Variants in ICA1 observed in about 807,000 individuals in gnomAD.
ICA1 encodes the protein islet cell autoantigen 1, also known as 69 kDa islet cell autoantigen.
Under a neutral mutation model 71.0 loss-of-function variants are expected in ICA1, and 40 were observed. The ratio of observed to expected loss-of-function variants is 0.56; its 90% CI spans 0.44 to 0.73. ICA1 has a LOEUF of 0.73. ICA1 is among the 30% of genes least tolerant of loss of function. The probability of loss-of-function intolerance (pLI) is 0.00; values close to 1 mark genes in which losing one functional copy is unlikely to be tolerated. For missense variants in ICA1, 578 were observed against 576.5 expected, an observed-to-expected ratio of 1.00 and a Z score of -0.03; for synonymous variants, 207 against 209.5, an observed-to-expected ratio of 0.99 and a Z score of 0.10.
chr7:8,168,081 G>A (rs904867118), intron 6 of ICA1, among the ~76,000 whole-genome samples: 2 of 152,016 alleles, frequency 1.3e-5, no homozygotes, highest in African/African-American at 4.8e-5. Flanking sequence ...TAGCACTAAA[G>A]TTTCTGGATC....
chr7:8,196,717 C>CATATAAT (rs574809852), intron 6 of ICA1, among the ~76,000 whole-genome samples: 57 of 152,186 alleles, frequency 3.7e-4, no homozygotes, highest in African/African-American at 1.3e-3. Flanking sequence ...ATTAACTTTA[C>CATATAAT]ATATAATATA....
At chr7:8,143,375 C>G (rs1795852052) in intron 9 of ICA1, among the ~76,000 whole-genome samples, 1 of 152,214 alleles carries the variant, frequency 6.6e-6, no homozygotes, top group Admixed American at 6.5e-5. Flanking sequence ...AACAGACATT[C>G]TGCATGGTAG....
upstream of ICA1, chr7:8,262,220 C>T (rs1380208028): frequency 6.6e-6 from 1 of 152,094 alleles, no homozygotes; most frequent in African/African-American, 2.4e-5. Context: ...CCGGCCCTTC[C>T]TGCGGCGGCC....
At chr7:8,213,684 A>C (rs1360959983) in intron 6 of ICA1, among the ~76,000 whole-genome samples, 1 of 152,212 alleles carries the variant, frequency 6.6e-6, no homozygotes, top group Non-Finnish European at 1.5e-5. Flanking sequence ...CTTTGTTCAC[A>C]GGAAACCCAT....
chr7:8,216,978 G>A (rs74488482), intron 6 of ICA1, among the ~76,000 whole-genome samples: 5,910 of 152,312 alleles, frequency 0.039, 119 homozygotes, highest in African/African-American at 0.05. Flanking sequence ...AAGTGCTAAA[G>A]ACAAACCAAA....
intron 1 of ICA1, among the ~76,000 whole-genome samples, chr7:8,257,001 C>T (rs566648539): frequency 6.6e-6 from 1 of 152,330 alleles, no homozygotes; most frequent in South Asian, 2.1e-4. Flanking sequence ...CTGGTAAACA[C>T]AAGTTTACTT....
chr7:8,163,610 C>G (rs1804729034), intron 6 of ICA1, among the ~76,000 whole-genome samples: 1 of 152,310 alleles, frequency 6.6e-6, no homozygotes, highest in Middle Eastern at 3.4e-3. Context: ...ACCAAGGAAT[C>G]TGACCCAGAG....
chr7:8,127,302 C>A (rs779751850), intron 13 of ICA1, among the ~76,000 whole-genome samples: 1 of 151,974 alleles, frequency 6.6e-6, no homozygotes, highest in Non-Finnish European at 1.5e-5. Context: ...TGAGAAATTT[C>A]TTCTGATCAG....
Position 8,123,213 on chromosome 7 carries a change from G to A in ICA1, c.1330+4660C>T, listed in dbSNP as rs1224134882. ...TGCATTCCTTTGTTTTGGACTCTTA[G>A]AGCTTAAAGTAGGGGGAAAAGAGGA... On this transcript the variant is annotated intron_variant, in intron 13 of 13. Coordinates refer to ENST00000402384, the MANE Select transcript of ICA1 (RefSeq NM_001136020.3). This position sits in a 1 kb window ranked among gnomAD's most constrained non-coding sequence, Gnocchi z 4.1. Among the ~76,000 whole-genome samples, 1 of 152,176 alleles carries A rather than the reference G, an allele frequency of 6.6e-6. No homozygotes were observed. The highest frequency in any genetic ancestry group is 2.4e-5 in the African/African-American group (1 of 41,444).
At chr7:8,136,823 TC>T (rs1474101345) in intron 12 of ICA1, among the ~76,000 whole-genome samples, 1 of 152,138 alleles carries the variant, frequency 6.6e-6, no homozygotes, top group Non-Finnish European at 1.5e-5. Flanking sequence ...CTAACAAAGA[TC>T]CTAACTATAA....
At chr7:8,122,018 G>T (rs376632427) in intron 13 of ICA1, among the ~76,000 whole-genome samples, 1 of 152,164 alleles carries the variant, frequency 6.6e-6, no homozygotes, top group Admixed American at 6.5e-5. Flanking sequence ...GGGGAGGGGG[G>T]ACTCAAGGAA....
chr7:8,214,197 A>G (rs778141267), intron 6 of ICA1, among the ~76,000 whole-genome samples: 23 of 152,082 alleles, frequency 1.5e-4, no homozygotes, highest in African/African-American at 4.8e-4. Flanking sequence ...CCTCCATCCC[A>G]TTTCTGACTT....
intron 5 of ICA1, among the ~76,000 whole-genome samples, chr7:8,219,114 C>A (rs909972983): frequency 4.0e-5 from 6 of 151,786 alleles, no homozygotes; most frequent in Admixed American, 3.9e-4. Context: ...GGATACTATA[C>A]CAGAAATGAA....
At chr7:8,221,052 T>TC (rs745951221) in intron 5 of ICA1, among the ~76,000 whole-genome samples, 2 of 151,146 alleles carry the variant, frequency 1.3e-5, no homozygotes, top group Non-Finnish European at 3.0e-5. Flanking sequence ...AACAGAAAAA[T>TC]GAAAAAAAAT....
chr7:8,127,074 A>G (rs1789500779), intron 13 of ICA1, among the ~76,000 whole-genome samples: 1 of 151,900 alleles, frequency 6.6e-6, no homozygotes, highest in South Asian at 2.1e-4. Flanking sequence ...CCTGGGTTCA[A>G]GCGATTCTCC....
intron 1 of ICA1, among the ~76,000 whole-genome samples, chr7:8,247,829 C>T (rs1295299184): frequency 6.6e-6 from 1 of 152,160 alleles, no homozygotes; most frequent in African/African-American, 2.4e-5. Context: ...TTGAATTATG[C>T]AAAGAATCTA....
intron 1 of ICA1, among the ~76,000 whole-genome samples, chr7:8,248,805 T>A (rs191723216): frequency 6.6e-6 from 1 of 152,144 alleles, no homozygotes; most frequent in Non-Finnish European, 1.5e-5. Flanking sequence ...AGTGGTACAT[T>A]AGAAACATCC....
chr7:8,128,622 G>A lies in ICA1; in HGVS notation c.1061-480C>T, dbSNP rs374024775. On this transcript the variant is annotated intron_variant, in intron 12 of 13. Transcript: ENST00000402384. The stretch of plus-strand genomic sequence containing the variant: ...AACTTTCACCATGCCCTGGCCCAGG[G>A]CACGACAGTGAAGGGGAGGATGTCC... Among the ~76,000 whole-genome samples, 53 of 124,478 alleles carry A rather than the reference G, an allele frequency of 4.3e-4. 1 individual carries two copies. The East Asian group carries it at 0.01, about 24-fold the overall frequency. 81.7% of individuals were successfully genotyped at this position (124,478 alleles called of 152,430 possible). A position where few individuals can be genotyped will look rare whatever the true frequency, so the allele number is the denominator to read the frequency against.
At chr7:8,213,184 G>A (rs978906266) in intron 6 of ICA1, among the ~76,000 whole-genome samples, 1 of 152,114 alleles carries the variant, frequency 6.6e-6, no homozygotes, top group African/African-American at 2.4e-5. Flanking sequence ...ATTTAAGAGA[G>A]CATTAGTTTT....
Sources: gnomAD v4.1 joint callset for allele counts (sites outside exome capture counted in the v4.1 genomes callset) on GRCh38, gnomAD v4.1.1 for gene constraint, Gnocchi (gnomAD v3.1) non-coding constraint, MANE v1.5 for transcripts, NCBI Gene and HGNC (gene_info 2026-07-23, HGNC 2026-07-21) for gene names.